TMEM178B: variants seen among roughly 807,000 people sequenced by gnomAD.
TMEM178B encodes transmembrane protein 178B.
TMEM178B carries 5 observed loss-of-function variants against 31.0 expected under a neutral mutation model. The ratio of observed to expected loss-of-function variants is 0.16; its 90% CI spans 0.08 to 0.34. TMEM178B has a LOEUF of 0.34. TMEM178B is among the 10% of genes least tolerant of loss of function. The pLI is 1.00. For missense variants in TMEM178B, 275 were observed against 400.3 expected, an observed-to-expected ratio of 0.69 and a Z score of 2.67; for synonymous variants, 164 against 164.0, an observed-to-expected ratio of 1.00 and a Z score of 0.00.
At chr7:141,306,595 T>C (rs1798819491) in intron 2 of TMEM178B, among the ~76,000 whole-genome samples, 1 of 151,810 alleles carries the variant, frequency 6.6e-6, no homozygotes, top group Non-Finnish European at 1.5e-5. Flanking sequence ...CAAAAATACA[T>C]GGAGTTTCCA....
At chr7:141,108,818 G>A (rs910283767) in intron 1 of TMEM178B, among the ~76,000 whole-genome samples, 2 of 152,174 alleles carry the variant, frequency 1.3e-5, no homozygotes, top group African/African-American at 4.8e-5. Context: ...TTAACCAGGA[G>A]TGTATTAGTC....
At chr7:141,089,155 G>T (rs1442347734) in intron 1 of TMEM178B, among the ~76,000 whole-genome samples, 1 of 152,208 alleles carries the variant, frequency 6.6e-6, no homozygotes, top group Non-Finnish European at 1.5e-5. Flanking sequence ...TGTCACTATT[G>T]CTGGAAAGAA....
intron 1 of TMEM178B, among the ~76,000 whole-genome samples, chr7:141,092,278 G>A (rs552042468): frequency 3.9e-5 from 6 of 152,146 alleles, no homozygotes; most frequent in Non-Finnish European, 8.8e-5. Context: ...CATCAGTGAG[G>A]AACTAGGAAA....
intron 2 of TMEM178B, among the ~76,000 whole-genome samples, chr7:141,221,592 G>T (rs907803222): frequency 6.6e-6 from 1 of 152,234 alleles, no homozygotes; most frequent in Non-Finnish European, 1.5e-5. Flanking sequence ...AGACAATGGT[G>T]GCTGAGAGAG....
intron 2 of TMEM178B, among the ~76,000 whole-genome samples, chr7:141,435,878 A>G (rs1465451310): frequency 1.3e-5 from 2 of 152,180 alleles, no homozygotes; most frequent in Non-Finnish European, 2.9e-5. Flanking sequence ...CTAGTAGAGC[A>G]GGAACCTGCC....
intron 2 of TMEM178B, among the ~76,000 whole-genome samples, chr7:141,289,714 CAAA>C (rs35000633): frequency 6.5e-5 from 6 of 92,370 alleles, no homozygotes; most frequent in African/African-American, 1.3e-4. Context: ...GACCCTGTCT[CAAA>C]AAAAAAAAAA....
chr7:141,340,660 G>A (rs1030442003), intron 2 of TMEM178B, among the ~76,000 whole-genome samples: 4 of 152,146 alleles, frequency 2.6e-5, no homozygotes, highest in Admixed American at 6.5e-5. Flanking sequence ...AAAGCACAAA[G>A]CACATCAGGA....
chr7:141,462,828 G>A (rs563494020), intron 3 of TMEM178B, among the ~76,000 whole-genome samples: 4 of 152,016 alleles, frequency 2.6e-5, no homozygotes, highest in South Asian at 2.1e-4. Context: ...CCAGAGCACC[G>A]AGACTATCCT....
chr7:141,110,542 T>C (rs1457991574), intron 1 of TMEM178B, among the ~76,000 whole-genome samples: 1 of 152,202 alleles, frequency 6.6e-6, no homozygotes. Context: ...TGAGCACTTA[T>C]TCATGCTTGC....
At chr7:141,165,461 T>A (rs147463734) in intron 1 of TMEM178B, among the ~76,000 whole-genome samples, 18 of 152,340 alleles carry the variant, frequency 1.2e-4, no homozygotes, top group African/African-American at 4.3e-4. Flanking sequence ...AAGTCCATGA[T>A]ATCAGCATGC....
intron 1 of TMEM178B, among the ~76,000 whole-genome samples, chr7:141,205,317 T>C (rs1439362641): frequency 2.6e-5 from 4 of 152,220 alleles, no homozygotes; most frequent in Non-Finnish European, 4.4e-5. Context: ...CCTAAATACA[T>C]TGGGCCATCA....
intron 3 of TMEM178B, among the ~76,000 whole-genome samples, chr7:141,445,729 G>A (rs1586965481): frequency 6.6e-6 from 1 of 152,188 alleles, no homozygotes; most frequent in Non-Finnish European, 1.5e-5. Context: ...ACTGTTACAT[G>A]TATAGCCTAA....
At chr7:141,225,688 C>T (rs1428389270) in intron 2 of TMEM178B, among the ~76,000 whole-genome samples, 1 of 152,174 alleles carries the variant, frequency 6.6e-6, no homozygotes, top group African/African-American at 2.4e-5. Flanking sequence ...CTGCCCCCTA[C>T]CCCAGCTACA....
At chr7:141,081,130 A>T (rs1794675797) in intron 1 of TMEM178B, among the ~76,000 whole-genome samples, 1 of 152,152 alleles carries the variant, frequency 6.6e-6, no homozygotes, top group Admixed American at 6.6e-5. Context: ...AGGCATTGTT[A>T]TCAGGAGGTG....
chr7:141,324,802 T>C (rs1208179853), intron 2 of TMEM178B, among the ~76,000 whole-genome samples: 1 of 152,118 alleles, frequency 6.6e-6, no homozygotes, highest in Non-Finnish European at 1.5e-5. Context: ...ATCGATTACA[T>C]TTTTGGTTGG....
intron 1 of TMEM178B, among the ~76,000 whole-genome samples, chr7:141,182,591 A>G (rs913334656): frequency 5.9e-5 from 9 of 152,192 alleles, no homozygotes; most frequent in Admixed American, 5.2e-4. Context: ...TAAGGGAAAC[A>G]GAAGAGTTGA....
intron 2 of TMEM178B, among the ~76,000 whole-genome samples, chr7:141,364,063 A>G (rs998138713): frequency 6.6e-6 from 1 of 152,258 alleles, no homozygotes; most frequent in Non-Finnish European, 1.5e-5. Context: ...TTTCTCACCC[A>G]TGAATGTATC....
intron 1 of TMEM178B, among the ~76,000 whole-genome samples, chr7:141,119,735 T>C (rs1795379458): frequency 6.6e-6 from 1 of 152,136 alleles, no homozygotes; most frequent in Non-Finnish European, 1.5e-5. Context: ...GCCGGGGTTA[T>C]GTCGGTTGAG....
intron 2 of TMEM178B, among the ~76,000 whole-genome samples, chr7:141,365,501 T>C (rs1368951900): frequency 6.6e-6 from 1 of 152,156 alleles, no homozygotes; most frequent in African/African-American, 2.4e-5. Context: ...CTCCTGTCTA[T>C]AAAATGGGGA....
Sources: gnomAD v4.1 joint callset for allele counts (sites outside exome capture counted in the v4.1 genomes callset) on GRCh38, gnomAD v4.1.1 for gene constraint, MANE v1.5 for transcripts, NCBI Gene and HGNC (gene_info 2026-07-23, HGNC 2026-07-21) for gene names.